Variants in PDE1A observed in about 807,000 individuals in gnomAD.
PDE1A encodes phosphodiesterase 1A.
PDE1A carries 35 observed loss-of-function variants against 61.7 expected under a neutral mutation model. The ratio of observed to expected loss-of-function variants is 0.57; its 90% CI spans 0.43 to 0.75. The LOEUF (loss-of-function observed/expected upper bound fraction) is 0.75. Ranked by LOEUF, PDE1A falls within the 30% of genes least tolerant of loss-of-function variation. PDE1A has a pLI of 0.00. For synonymous variants in PDE1A, 232 were observed against 213.2 expected (o/e 1.09, Z -0.77); for missense variants, 597 against 630.6 (o/e 0.95, Z 0.57).
At chr2:182,710,576 A>G in the PDE1A span, among the ~76,000 whole-genome samples, 5 of 152,188 alleles carry the variant, frequency 3.3e-5, no homozygotes, top group Non-Finnish European at 7.3e-5. Context: ...TACTCTTTAG[A>G]TTCTACAGAT....
intron 3 of PDE1A, among the ~76,000 whole-genome samples, 183 bp downstream of exon 3, chr2:182,239,927 G>C (rs1272046529): frequency 1.3e-5 from 2 of 152,014 alleles, no homozygotes; most frequent in Non-Finnish European, 2.9e-5. Context: ...AATGCATCCG[G>C]GACCAGGTGT....
intron 1 of PDE1A, among the ~76,000 whole-genome samples, chr2:182,387,027 G>A (rs1701148990): frequency 6.6e-6 from 1 of 152,234 alleles, no homozygotes; most frequent in South Asian, 2.1e-4. Flanking sequence ...TGCTGTGTCT[G>A]TGTGGAAAGA....
At chr2:182,148,575 G>A (rs1459504349) in intron 13 of PDE1A, among the ~76,000 whole-genome samples, 2 of 152,108 alleles carry the variant, frequency 1.3e-5, no homozygotes, top group African/African-American at 4.8e-5. Flanking sequence ...GAAATTTGCT[G>A]GTACATTTCC....
At chr2:182,541,749 T>C in the PDE1A span, among the ~76,000 whole-genome samples, 4 of 152,226 alleles carry the variant, frequency 2.6e-5, no homozygotes, top group African/African-American at 9.6e-5. Flanking sequence ...ATTTAACTGA[T>C]AATAGAGTAT....
At chr2:182,169,507 TAA>T (rs968364762) in intron 13 of PDE1A, among the ~76,000 whole-genome samples, 1 of 152,012 alleles carries the variant, frequency 6.6e-6, no homozygotes, top group African/African-American at 2.4e-5. Context: ...AAAAAATCTA[TAA>T]TACTCAATAA....
chr2:182,328,818 A>G (rs1375721291), intron 1 of PDE1A, among the ~76,000 whole-genome samples: 1 of 152,176 alleles, frequency 6.6e-6, no homozygotes, highest in African/African-American at 2.4e-5. Flanking sequence ...AAGGACAGGT[A>G]AGTAAGGGTC....
the PDE1A span, among the ~76,000 whole-genome samples, chr2:182,595,753 T>C: frequency 6.6e-6 from 1 of 152,208 alleles, no homozygotes; most frequent in Non-Finnish European, 1.5e-5. Flanking sequence ...TCTCTTGATA[T>C]GACTTGCTGG....
chr2:182,285,393 T>G (rs1305680465), intron 1 of PDE1A, among the ~76,000 whole-genome samples: 1 of 152,114 alleles, frequency 6.6e-6, no homozygotes, highest in Admixed American at 6.6e-5. Context: ...GACCCTTATT[T>G]GTACCAAATT....
chr2:182,671,914 C>T, the PDE1A span, among the ~76,000 whole-genome samples: 3 of 152,042 alleles, frequency 2.0e-5, no homozygotes, highest in Non-Finnish European at 2.9e-5. Context: ...CCACCGTGCC[C>T]GGCCGTGACT....
At chr2:182,144,720 G>T (rs988159571), downstream of PDE1A, among the ~76,000 whole-genome samples, 2 of 152,170 alleles carry the variant, frequency 1.3e-5, no homozygotes, top group Non-Finnish European at 2.9e-5. Flanking sequence ...CAAAGAAGGT[G>T]TGCTAAATTT....
chr2:182,415,962 T>C (rs1266313870), intron 1 of PDE1A, among the ~76,000 whole-genome samples: 1 of 152,130 alleles, frequency 6.6e-6, no homozygotes, highest in Non-Finnish European at 1.5e-5. Flanking sequence ...TCCTAACATA[T>C]TTGTCATAAA....
In PDE1A at chr2:182,335,011, GA is replaced by G. The variant is rs1697696325; in HGVS notation, c.54-70598del. Among the ~76,000 whole-genome samples the G allele has an allele frequency of 3.3e-5, 5 of 152,148 alleles. No individual in the cohort carries two copies. The South Asian group carries it at 1.0e-3, about 32-fold the overall frequency. On this transcript the variant is annotated intron_variant, in intron 1 of 13. Transcript: ENST00000351439. ...ACAAACAGAGAGCCAAATCATGAGT[GA>G]ACCCCCATTTACAATTTCTACAAGG...
intron 2 of PDE1A, among the ~76,000 whole-genome samples, chr2:182,506,146 A>C (rs181603185): frequency 6.6e-6 from 1 of 152,050 alleles, no homozygotes; most frequent in African/African-American, 2.4e-5. Context: ...TCTATATAAA[A>C]TTTTTCCTTT....
chr2:182,422,793 T>C (rs1703364648), intron 1 of PDE1A, among the ~76,000 whole-genome samples: 1 of 152,182 alleles, frequency 6.6e-6, no homozygotes, highest in Admixed American at 6.5e-5. Context: ...CCTAAAGGAA[T>C]GTATCTATGT....
chr2:182,480,025 T>G (rs1475701819), intron 2 of PDE1A, among the ~76,000 whole-genome samples: 1 of 151,924 alleles, frequency 6.6e-6, no homozygotes, highest in Non-Finnish European at 1.5e-5. Context: ...CAAGGGACTT[T>G]TTCTATTAAA....
chr2:182,408,468 G>A (rs1027234137), intron 1 of PDE1A, among the ~76,000 whole-genome samples: 1 of 152,120 alleles, frequency 6.6e-6, no homozygotes, highest in Non-Finnish European at 1.5e-5. Context: ...CACATATCAA[G>A]TGCTTATTAA....
upstream of PDE1A, among the ~76,000 whole-genome samples, chr2:182,525,972 A>T (rs543544363): frequency 1.9e-4 from 29 of 152,310 alleles, no homozygotes; most frequent in African/African-American, 6.3e-4. Context: ...ATGGAAAATC[A>T]TAAACAAAAT....
intron 1 of PDE1A, among the ~76,000 whole-genome samples, chr2:182,357,055 T>C (rs553786223): frequency 6.6e-4 from 101 of 151,990 alleles, no homozygotes; most frequent in African/African-American, 2.2e-3. Context: ...CGGGGAGGGA[T>C]AGCATTAGGA....
chr2:182,606,958 C>T, the PDE1A span, among the ~76,000 whole-genome samples: 1 of 152,118 alleles, frequency 6.6e-6, no homozygotes, highest in Non-Finnish European at 1.5e-5. Flanking sequence ...GAAGGTGCTG[C>T]CGCTGAGGAG....
Sources: gnomAD v4.1 joint callset for allele counts (sites outside exome capture counted in the v4.1 genomes callset) on GRCh38, gnomAD v4.1.1 for gene constraint, MANE v1.5 for transcripts, NCBI Gene and HGNC (gene_info 2026-07-23, HGNC 2026-07-21) for gene names.